The following GRIK4 variants were observed in gnomAD, a reference collection of about 807,000 sequenced individuals.
GRIK4 encodes the protein glutamate receptor ionotropic, kainate 4.
GRIK4 carries 40 observed loss-of-function variants against 104.9 expected under a neutral mutation model. That is an observed-to-expected ratio of 0.38 (90% confidence interval 0.30 to 0.50). GRIK4 has a LOEUF of 0.50. Among genes scored for constraint, GRIK4 ranks in the 20% least tolerant of loss-of-function variants. GRIK4 has a pLI of 0.93. For missense variants in GRIK4, 1,047 were observed against 1,308.1 expected (o/e 0.80, Z 3.08); for synonymous variants, 485 against 524.9 (o/e 0.92, Z 1.04).
rs183231560 is a variant in GRIK4 at position 120,641,782 on chromosome 11, C to T, written c.-158-11903C>T. Among the ~76,000 whole-genome samples, 370 of 152,172 alleles carry T rather than the reference C, an allele frequency of 2.4e-3. 3 individuals are homozygous for T. The highest frequency in any genetic ancestry group is 8.0e-3 in the African/African-American group (333 of 41,474). ...TTTGTGATCTGTATCTTGTGTTGAC[C>T]TCCTATCTCATTCTGTGACTTAGAA... On this transcript the variant is annotated intron_variant, in intron 1 of 20. Transcript: ENST00000527524.
At chr11:120,596,583 A>G (rs752317788) in intron 1 of GRIK4, among the ~76,000 whole-genome samples, 1 of 152,044 alleles carries the variant, frequency 6.6e-6, no homozygotes, top group African/African-American at 2.4e-5. Flanking sequence ...TCTACGTTGA[A>G]GTCTATATGT....
rs542226147 is a variant in GRIK4 at position 120,765,880 on chromosome 11, G to T, written c.83-36813G>T. On this transcript the variant is annotated intron_variant, in intron 3 of 20. Coordinates refer to ENST00000527524, the MANE Select transcript of GRIK4 (RefSeq NM_014619.5). ...CAGCTGGAGCTCTCCTGTATGAGGT[G>T]TCTGTCGACCCCTGCTGGGAGGTGT... Among the ~76,000 whole-genome samples, 3 of 152,352 alleles carry T rather than the reference G, an allele frequency of 2.0e-5. No individual in the cohort carries two copies. The South Asian group carries it at 6.2e-4, about 32-fold the overall frequency.
At chr11:120,615,003 C>CAAAACAAAACAA (rs1273435360) in intron 1 of GRIK4, among the ~76,000 whole-genome samples, 2 of 151,734 alleles carry the variant, frequency 1.3e-5, no homozygotes, top group South Asian at 2.1e-4. Context: ...AATCTCAAAA[C>CAAAACAAAACAA]AAAACAAAAC....
intron 12 of GRIK4, among the ~76,000 whole-genome samples, chr11:120,901,446 A>T (rs1271087146): frequency 6.6e-6 from 1 of 151,880 alleles, no homozygotes; most frequent in African/African-American, 2.4e-5. Context: ...CTCTGCTCAG[A>T]TGTCACGTCT....
chr11:120,779,345 G>A (rs933133238), intron 3 of GRIK4, among the ~76,000 whole-genome samples: 53 of 152,298 alleles, frequency 3.5e-4, no homozygotes, highest in African/African-American at 1.2e-3. Context: ...GGCAGCTGGT[G>A]GGTGGGTCCC....
At chr11:120,664,873 TG>T (rs1251333631) in intron 3 of GRIK4, among the ~76,000 whole-genome samples, 1 of 152,210 alleles carries the variant, frequency 6.6e-6, no homozygotes, top group Non-Finnish European at 1.5e-5. Context: ...CTGCTCAGCA[TG>T]GGCATATTAG....
chr11:120,529,886 G>A (rs1404253597), intron 1 of GRIK4, among the ~76,000 whole-genome samples: 2 of 152,032 alleles, frequency 1.3e-5, no homozygotes, highest in Non-Finnish European at 2.9e-5. Context: ...TATAGATGAG[G>A]AGACAGAAGT....
chr11:120,938,321 A>G (rs1943642521), intron 13 of GRIK4, among the ~76,000 whole-genome samples: 1 of 152,252 alleles, frequency 6.6e-6, no homozygotes, highest in African/African-American at 2.4e-5. Flanking sequence ...GCTAGCAGTC[A>G]TCAGCACTGT....
intron 2 of GRIK4, among the ~76,000 whole-genome samples, chr11:120,657,286 A>G (rs1214764042): frequency 1.3e-5 from 2 of 152,234 alleles, no homozygotes; most frequent in Non-Finnish European, 2.9e-5. Context: ...TGAATAATCA[A>G]CTTTATCCAT....
At chr11:120,779,404 A>G (rs572853316) in intron 3 of GRIK4, among the ~76,000 whole-genome samples, 2 of 152,194 alleles carry the variant, frequency 1.3e-5, no homozygotes, top group South Asian at 2.1e-4. Context: ...AAGGGCAAGT[A>G]CCCTGGTTGG....
At chr11:120,705,934 C>G (rs1212296984) in intron 3 of GRIK4, among the ~76,000 whole-genome samples, 2 of 152,142 alleles carry the variant, frequency 1.3e-5, no homozygotes, top group African/African-American at 2.4e-5. Context: ...TCTGGAGGCC[C>G]CAGCATCTCA....
At chr11:120,681,165 A>C (rs1238020377) in intron 3 of GRIK4, among the ~76,000 whole-genome samples, 2 of 152,182 alleles carry the variant, frequency 1.3e-5, no homozygotes, top group Non-Finnish European at 2.9e-5. Flanking sequence ...AGGAAACTCA[A>C]AGACAGGATC....
chr11:120,547,754 C>T (rs1948099982), intron 1 of GRIK4, among the ~76,000 whole-genome samples: 1 of 152,194 alleles, frequency 6.6e-6, no homozygotes, highest in Non-Finnish European at 1.5e-5. Context: ...TTGGTAAATT[C>T]AGGCCCCTCC....
At position 120,986,422 on chromosome 11, in the gene GRIK4, C is replaced by A; in HGVS notation, c.*162C>A. 1.0e-6 allele frequency: 1 copy of A among 990,726 alleles called. No homozygotes were observed. The highest frequency in any genetic ancestry group is 1.4e-6 in the Non-Finnish European group (1 of 721,444). The allele number at this position is 990,726 out of a possible 1,614,324, so 61.4% of individuals were successfully genotyped here. On this transcript the variant is annotated 3_prime_UTR_variant, in exon 21 of 21. Coordinates refer to ENST00000527524, the MANE Select transcript of GRIK4 (RefSeq NM_014619.5). ...AAGATCAAGGAGCCTGACGCCCCAG[C>A]CAGAGACCGCGCCCGGTCAGGGAGC...
intron 3 of GRIK4, among the ~76,000 whole-genome samples, chr11:120,691,796 G>A (rs1013079832): frequency 7.9e-5 from 12 of 152,188 alleles, no homozygotes; most frequent in African/African-American, 2.9e-4. Context: ...TGCCTTGTAT[G>A]CAGTGGGGCT....
At chr11:120,949,184 G>T (rs4936567) in intron 14 of GRIK4, among the ~76,000 whole-genome samples, 22,127 of 152,140 alleles carry the variant, frequency 0.15, 2,017 homozygotes, top group East Asian at 0.32. Flanking sequence ...GGGCATGAAA[G>T]GGGGGTTTAA....
intron 3 of GRIK4, among the ~76,000 whole-genome samples, chr11:120,679,384 A>G (rs1183263752): frequency 2.0e-5 from 3 of 152,182 alleles, no homozygotes; most frequent in Non-Finnish European, 4.4e-5. Context: ...GTGCCCCCGG[A>G]GCCCAGGAAA....
intron 1 of GRIK4, among the ~76,000 whole-genome samples, chr11:120,533,207 G>A (rs1363249676): frequency 6.6e-6 from 1 of 152,222 alleles, no homozygotes; most frequent in Non-Finnish European, 1.5e-5. Flanking sequence ...CCTCCTAGCA[G>A]AGGGAAAAGC....
At chr11:120,911,399 C>T (rs1325469881) in intron 13 of GRIK4, among the ~76,000 whole-genome samples, 28 of 149,526 alleles carry the variant, frequency 1.9e-4, no homozygotes, top group African/African-American at 4.9e-4. Context: ...CCACCATGCC[C>T]GGCTAATTTT....
Sources: allele counts gnomAD v4.1 joint callset (sites outside exome capture counted in the v4.1 genomes callset), GRCh38; gene constraint gnomAD v4.1.1; transcripts MANE v1.5; gene names NCBI Gene and HGNC (gene_info 2026-07-23, HGNC 2026-07-21).